MEGF8: variants seen among roughly 807,000 people sequenced by gnomAD.
MEGF8 encodes the protein multiple EGF like domains 8.
MEGF8 carries 156 observed loss-of-function variants against 302.9 expected under a neutral mutation model. That is an observed-to-expected ratio of 0.52 (90% CI 0.45 to 0.59). The LOEUF is 0.59. MEGF8 is among the 20% of genes least tolerant of loss of function. MEGF8 has a pLI of 0.00. For synonymous variants in MEGF8, 1,621 were observed against 1,660.5 expected, an observed-to-expected ratio of 0.98 and a Z score of 0.58; for missense variants, 3,345 against 3,964.5, an observed-to-expected ratio of 0.84 and a Z score of 4.20.
chr19:42,335,697 C>T (rs1476388728), intron 5 of MEGF8, among the ~76,000 whole-genome samples: 1 of 152,206 alleles, frequency 6.6e-6, no homozygotes, highest in East Asian at 1.9e-4. Context: ...CTGTTTCTCT[C>T]TGCCATTTGT....
In MEGF8 at chr19:42,369,483, C is replaced by G; in HGVS notation, c.6642-48C>G. 6.4e-7 allele frequency: 1 copy of G among 1,567,520 alleles called. No individual in the cohort carries two copies. Among genetic ancestry groups the G allele is most frequent in the South Asian group, 1.2e-5 (1 of 86,728 alleles). Reference sequence around the variant, plus strand: ...GTTGGTTGGGTGCTAGGCCATGAAGCCACGAGGAGGGTGGCCACCTGCCCT... The same window carrying G: ...GTTGGTTGGGTGCTAGGCCATGAAGGCACGAGGAGGGTGGCCACCTGCCCT... On this transcript the variant is annotated intron_variant, in intron 37 of 41. Transcript: ENST00000251268. This position sits in a 1 kb window ranked among gnomAD's most constrained non-coding sequence, Gnocchi z 5.7.
chr19:42,333,830 G>A, intron 2 of MEGF8, 62 bp downstream of exon 2: 3 of 1,592,440 alleles, frequency 1.9e-6, no homozygotes, highest in Non-Finnish European at 2.6e-6. Flanking sequence ...AGGAGGGACA[G>A]AGAGTCAGTA....
chr19:42,372,172 G>A (rs192617997), intron 41 of MEGF8, among the ~76,000 whole-genome samples: 42 of 152,132 alleles, frequency 2.8e-4, no homozygotes, highest in African/African-American at 9.9e-4. Flanking sequence ...GGCTATATCC[G>A]GGTGCTCACA....
chr19:42,334,979 T>A, intron 3 of MEGF8, 56 bp from the exon 4 acceptor site: 2 of 1,525,278 alleles, frequency 1.3e-6, no homozygotes, highest in Non-Finnish European at 1.8e-6. Flanking sequence ...CTCCTTTGTC[T>A]CTCTGTCCTT....
At position 42,376,129 on chromosome 19, in the gene MEGF8, C is replaced by T; in HGVS notation, c.7892C>T (p.Ala2631Val). 6.2e-7 allele frequency: 1 copy of T among 1,608,120 alleles called. No homozygotes were observed. The change falls in exon 42 of 42, where the codon GCC becomes GTC. Residue 2631 changes from alanine to valine, a missense_variant. Transcript: ENST00000251268. This position sits in a 1 kb window ranked among gnomAD's most constrained non-coding sequence, Gnocchi z 8.2. ...DPSGPGANGS[A>V]DSQGLLFFRQ... ...AGTGGGCCCGGCGCCAACGGCTCAG[C>T]CGACTCGCAGGGCCTGCTCTTCTTC...
In MEGF8 at chr19:42,351,915, C is replaced by T. The variant is rs2039380000; in HGVS notation, c.3101+154C>T. Among the ~76,000 whole-genome samples the T allele has an allele frequency of 6.6e-6, 1 of 152,144 alleles. No individual in the cohort carries two copies. Among genetic ancestry groups the T allele is most frequent in the Admixed American group, 6.5e-5 (1 of 15,274 alleles). ...TTTTTCTGTTGTTTATTTTACCCTC[C>T]CGCTCTTTTTTCTCCATTTTTCCTC... is the stretch of plus-strand genomic sequence containing the variant. On this transcript the variant is annotated intron_variant, in intron 18 of 41. Coordinates refer to ENST00000251268, the MANE Select transcript of MEGF8 (RefSeq NM_001271938.2). The surrounding 1 kb of genome is among the most constrained non-coding windows in gnomAD (Gnocchi z 5.6).
chr19:42,343,303 G>A (rs556880505), intron 8 of MEGF8, among the ~76,000 whole-genome samples, 174 bp from the exon 9 acceptor site: 3 of 152,284 alleles, frequency 2.0e-5, no homozygotes, highest in Non-Finnish European at 4.4e-5. Context: ...GGGTAGGGGC[G>A]AGGGAGCTCA....
intron 12 of MEGF8, among the ~76,000 whole-genome samples, chr19:42,345,902 T>G (rs905361016): frequency 1.3e-5 from 2 of 152,168 alleles, no homozygotes; most frequent in Non-Finnish European, 2.9e-5. Flanking sequence ...TTATTGATTT[T>G]TTGTTGTTGT....
chr19:42,376,611 C>T lies in MEGF8; in HGVS notation c.8374C>T (p.His2792Tyr). 6.5e-7 allele frequency: 1 copy of T among 1,547,594 alleles called. No homozygotes were observed. ...TLLLQLPGGP[H>Y]APNGACLGSA... ...GCTGCTCCAGCTGCCTGGCGGGCCCCATGCACCCAACGGCGCCTGCCTGGG... is the reference window on the plus strand; with the variant it reads ...GCTGCTCCAGCTGCCTGGCGGGCCCTATGCACCCAACGGCGCCTGCCTGGG... The change falls in exon 42 of 42, where the codon CAT becomes TAT. Residue 2792 changes from histidine (H) to tyrosine (Y), a missense_variant. Coordinates refer to ENST00000251268, the MANE Select transcript of MEGF8 (RefSeq NM_001271938.2). This position sits in a 1 kb window ranked among gnomAD's most constrained non-coding sequence, Gnocchi z 8.2.
Position 42,357,259 on chromosome 19 carries a change from A to AC in MEGF8, c.4831-142dup. 9.6e-7 allele frequency: 1 copy of AC among 1,036,862 alleles called. No homozygotes were observed. Among genetic ancestry groups the AC allele is most frequent in the Non-Finnish European group, 1.4e-6 (1 of 721,460 alleles). 64.2% of individuals were successfully genotyped at this position (1,036,862 alleles called of 1,614,324 possible). A position where few individuals can be genotyped will look rare whatever the true frequency, so the allele number is the denominator to read the frequency against. On this transcript the variant is annotated intron_variant, in intron 27 of 41. Coordinates refer to ENST00000251268, the MANE Select transcript of MEGF8 (RefSeq NM_001271938.2). The surrounding 1 kb of genome is among the most constrained non-coding windows in gnomAD (Gnocchi z 5.2). ...AGGGGCCCACTGTGCCTCTGCCAGG[A>AC]CCCAGGCTGGTCCGACTGGCCCTGG...
chr19:42,376,083 CT>C lies in MEGF8; in HGVS notation c.7847del (p.Leu2616ArgfsTer74). Reference sequence around the variant, plus strand: ...CAAGTCGAGCCGCTTCTACCTGCTGCTGCTGGGCGTGGGAGACCCAAGTGGG... The same window carrying C: ...CAAGTCGAGCCGCTTCTACCTGCTGCGCTGGGCGTGGGAGACCCAAGTGGG... ...ALKSSRFYLL[L>X]LGVGDPSGPG... On this transcript the variant is annotated frameshift_variant, in exon 42 of 42. Transcript: ENST00000251268. LOFTEE classifies it high-confidence loss of function. This position sits in a 1 kb window ranked among gnomAD's most constrained non-coding sequence, Gnocchi z 8.2. 1 of 1,606,094 alleles carries C rather than the reference CT, an allele frequency of 6.2e-7. No homozygotes were observed. The highest frequency in any genetic ancestry group is 2.2e-5 in the East Asian group (1 of 44,866).
In MEGF8 at chr19:42,356,960, C is replaced by A. The variant is rs1481274404; in HGVS notation, c.4809C>A (p.Thr1603=). 6.2e-7 allele frequency: 1 copy of A among 1,606,732 alleles called. No individual in the cohort carries two copies. Among genetic ancestry groups the A allele is most frequent in the Non-Finnish European group, 8.5e-7 (1 of 1,176,956 alleles). ...TRDFWVLNLT[T]LQWRQEKAPQ... ...ATTTCTGGGTCCTCAACCTCACCAC[C>A]CTGCAATGGCGGCAGGAGAAGGTGA... The change falls in exon 27 of 42, where the codon ACC becomes ACA. Residue 1603 remains threonine, a synonymous_variant. Transcript: ENST00000251268. The surrounding 1 kb of genome is among the most constrained non-coding windows in gnomAD (Gnocchi z 5.2).
rs1283573671 is a variant in MEGF8, at chr19:42,355,923, A to C, written c.4310A>C (p.Gln1437Pro). Reference sequence around the variant, plus strand: ...GGTGCGGGGCTCTGCCGATGTCCTCAGGGCTGGGCTGGCCCACACTGCCGC... The same window carrying C: ...GGTGCGGGGCTCTGCCGATGTCCTCCGGGCTGGGCTGGCCCACACTGCCGC... ...AAGAGLCRCP[Q>P]GWAGPHCRMA... Residue 1437 changes from glutamine to proline, a missense_variant, in exon 24 of 42, where the codon CAG becomes CCG. Physicochemically the swap from Gln to Pro is moderately conservative, Grantham distance 76. Coordinates refer to ENST00000251268, the MANE Select transcript of MEGF8 (RefSeq NM_001271938.2). The C allele has an allele frequency of 4.4e-6, 7 of 1,604,290 alleles. No homozygotes were observed. Among genetic ancestry groups the C allele is most frequent in the Admixed American group, 1.7e-5 (1 of 58,494 alleles).
In MEGF8 at chr19:42,349,302, GA is replaced by G. The variant is rs1268884391; in HGVS notation, c.2299-179del. ...GTGATGGAATGAGACCCTGTCTCAAGAAAAAAAAAAAAAAAAAAGCCCCTGA... is the reference window on the plus strand; with the variant it reads ...GTGATGGAATGAGACCCTGTCTCAAGAAAAAAAAAAAAAAAAAGCCCCTGA... On this transcript the variant is annotated intron_variant, in intron 13 of 41. Coordinates refer to ENST00000251268, the MANE Select transcript of MEGF8 (RefSeq NM_001271938.2). Among the ~76,000 whole-genome samples the G allele has an allele frequency of 0.11, 6,110 of 57,040 alleles. 445 individuals carry two copies. Among genetic ancestry groups the G allele is most frequent in the African/African-American group, 0.29 (5,528 of 19,196 alleles). 37.4% of individuals were successfully genotyped at this position (57,040 alleles called of 152,430 possible).
Position 42,358,395 on chromosome 19 carries a change from A to G in MEGF8, c.5175+88A>G. ...GTGCCCCAGGGACTGGCTCCATCCC[A>G]GATTCCTGCTTCCCCTCCTTTCTAT... On this transcript the variant is annotated intron_variant, in intron 29 of 41. Transcript: ENST00000251268. The surrounding 1 kb of genome is among the most constrained non-coding windows in gnomAD (Gnocchi z 4.4). 1.4e-6 allele frequency: 2 copies of G among 1,440,024 alleles called. No homozygotes were observed. Among genetic ancestry groups the G allele is most frequent in the Non-Finnish European group, 1.9e-6 (2 of 1,080,732 alleles). 89.2% of individuals were successfully genotyped at this position (1,440,024 alleles called of 1,614,324 possible). A position where few individuals can be genotyped will look rare whatever the true frequency, so the allele number is the denominator to read the frequency against.
At chr19:42,366,895 G>C (rs999194380) in intron 35 of MEGF8, among the ~76,000 whole-genome samples, 5 of 152,310 alleles carry the variant, frequency 3.3e-5, no homozygotes, top group Admixed American at 6.5e-5. Context: ...GCCCAGCAGA[G>C]AATTTGCCTC....
intron 5 of MEGF8, 130 bp from the exon 6 acceptor site, chr19:42,335,801 G>A: frequency 1.2e-6 from 1 of 840,222 alleles, no homozygotes; most frequent in East Asian, 2.7e-5. Flanking sequence ...GCCGGTCTCT[G>A]CCTTTCTCTT....
At position 42,369,368 on chromosome 19, in the gene MEGF8, A is replaced by C. The variant is rs1251307081; in HGVS notation, c.6642-163A>C. Among the ~76,000 whole-genome samples, 1 of 152,188 alleles carries C rather than the reference A, an allele frequency of 6.6e-6. No individual in the cohort carries two copies. The highest frequency in any genetic ancestry group is 1.5e-5 in the Non-Finnish European group (1 of 68,022). ...AAGAGGAGAGAGGGTTGTGGGCTACACCTGGAGGGGGTGGTGGGCTAGATC... is the reference window on the plus strand; with the variant it reads ...AAGAGGAGAGAGGGTTGTGGGCTACCCCTGGAGGGGGTGGTGGGCTAGATC... On this transcript the variant is annotated intron_variant, in intron 37 of 41. Transcript: ENST00000251268. The surrounding 1 kb of genome is among the most constrained non-coding windows in gnomAD (Gnocchi z 5.7).
chr19:42,350,936 A>C (rs1408635543), intron 15 of MEGF8, among the ~76,000 whole-genome samples: 4 of 151,710 alleles, frequency 2.6e-5, no homozygotes, highest in African/African-American at 9.7e-5. Flanking sequence ...GTGGGGAGGG[A>C]ATGTGGCCCC....
Sources: allele counts gnomAD v4.1 joint callset (sites outside exome capture counted in the v4.1 genomes callset), GRCh38; gene constraint gnomAD v4.1.1; non-coding constraint Gnocchi (gnomAD v3.1); transcripts MANE v1.5; gene names NCBI Gene and HGNC (gene_info 2026-07-23, HGNC 2026-07-21).